The following FGF1 variants were observed in gnomAD, a reference collection of about 807,000 sequenced individuals.
FGF1 encodes the protein beta-endothelial cell growth factor.
Under a neutral mutation model 13.4 loss-of-function variants are expected in FGF1, and 9 were observed. The ratio of observed to expected loss-of-function variants is 0.67; its 90% CI spans 0.40 to 1.17. FGF1 has a LOEUF of 1.17. Among genes scored for constraint, FGF1 ranks in the 50% most tolerant of loss-of-function variants. The pLI, the probability that FGF1 is intolerant of heterozygous loss-of-function variation, is 0.01. For synonymous variants in FGF1, 93 were observed against 79.0 expected (o/e 1.18, Z -0.94); for missense variants, 156 against 192.7 (o/e 0.81, Z 1.13).
chr5:142,612,275 C>T, intron 2 of FGF1, among the ~76,000 whole-genome samples: 1 of 152,166 alleles, frequency 6.6e-6, no homozygotes, highest in Non-Finnish European at 1.5e-5. Context: ...GATGGAATGG[C>T]AACAGTTAAG....
intron 1 of FGF1, among the ~76,000 whole-genome samples, chr5:142,657,676 T>TGCGGCC (rs1768419348): frequency 1.3e-5 from 2 of 152,254 alleles, no homozygotes; most frequent in Non-Finnish European, 2.9e-5. Flanking sequence ...TGGCTGCGGC[T>TGCGGCC]GCGGCCGAGT....
intron 1 of FGF1, among the ~76,000 whole-genome samples, chr5:142,627,505 G>A (rs1488017513): frequency 6.6e-6 from 1 of 152,214 alleles, no homozygotes; most frequent in Admixed American, 6.5e-5. Context: ...AGAACAGTTA[G>A]CAATCCCAGC....
intron 1 of FGF1, among the ~76,000 whole-genome samples, chr5:142,664,906 A>T (rs1770006637): frequency 6.6e-6 from 1 of 152,228 alleles, no homozygotes; most frequent in Non-Finnish European, 1.5e-5. Context: ...ACCTAAACTC[A>T]TAGGGTTATT....
At chr5:142,655,061 TA>T (rs1439719447) in intron 1 of FGF1, among the ~76,000 whole-genome samples, 1 of 152,246 alleles carries the variant, frequency 6.6e-6, no homozygotes, top group African/African-American at 2.4e-5. Flanking sequence ...TCCTCCTTCC[TA>T]TCATAACAGA....
At chr5:142,629,343 T>C (rs1762958734) in intron 1 of FGF1, among the ~76,000 whole-genome samples, 2 of 152,170 alleles carry the variant, frequency 1.3e-5, no homozygotes, top group Admixed American at 1.3e-4. Context: ...TATATATTTT[T>C]AGTAGAGACA....
chr5:142,600,723 G>A lies in FGF1; in HGVS notation c.252C>T (p.Thr84=), dbSNP rs984308588. ...TETGQYLAMD[T]DGLLYGSQTP... is the part of the protein sequence containing the mutation. ...TTACTGAGCCGTATAAAAGCCCGTC[G>A]GTGTCCATGGCCAAGTACTGGCCAG... Residue 84 remains threonine (T), a synonymous_variant, in exon 3 of 4, where the codon ACC becomes ACT. Transcript: ENST00000337706. 3.7e-6 allele frequency: 6 copies of A among 1,612,894 alleles called. No individual in the cohort carries two copies. The highest frequency in any genetic ancestry group is 5.1e-6 in the Non-Finnish European group (6 of 1,178,966).
intron 1 of FGF1, among the ~76,000 whole-genome samples, chr5:142,670,482 G>A (rs948666136): frequency 4.6e-5 from 7 of 152,170 alleles, no homozygotes; most frequent in African/African-American, 1.2e-4. Flanking sequence ...AAGGACCCAC[G>A]GTGTGGTGCT....
intron 1 of FGF1, among the ~76,000 whole-genome samples, chr5:142,623,770 G>A (rs530195953): frequency 1.3e-5 from 2 of 150,354 alleles, no homozygotes; most frequent in East Asian, 1.9e-4. Context: ...TTGAGATAGG[G>A]TCTTGCTCTG....
intron 1 of FGF1, among the ~76,000 whole-genome samples, chr5:142,656,043 A>G (rs1768086683): frequency 6.6e-6 from 1 of 152,190 alleles, no homozygotes; most frequent in Non-Finnish European, 1.5e-5. Flanking sequence ...TAAACTGATG[A>G]CTTCACATAT....
intron 3 of FGF1, among the ~76,000 whole-genome samples, chr5:142,598,460 C>T (rs1407812074): frequency 6.6e-6 from 1 of 151,966 alleles, no homozygotes; most frequent in African/African-American, 2.4e-5. Flanking sequence ...TGGCATGTTT[C>T]CCCTCCCACC....
chr5:142,687,324 G>T (rs976543934), upstream of FGF1, among the ~76,000 whole-genome samples: 7 of 152,194 alleles, frequency 4.6e-5, no homozygotes, highest in African/African-American at 1.4e-4. Context: ...GGGGGTGTGG[G>T]GAAGCCATCC....
At chr5:142,662,184 T>C (rs529359825) in intron 1 of FGF1, among the ~76,000 whole-genome samples, 4 of 152,256 alleles carry the variant, frequency 2.6e-5, no homozygotes, top group African/African-American at 9.6e-5. Flanking sequence ...TGAGATTAGA[T>C]AGTGGCAGTA....
chr5:142,595,968 A>C (rs1755159506), intron 3 of FGF1, among the ~76,000 whole-genome samples: 1 of 152,190 alleles, frequency 6.6e-6, no homozygotes, highest in South Asian at 2.1e-4. Flanking sequence ...TTTTAACTTG[A>C]AGGCTAGACT....
intron 1 of FGF1, among the ~76,000 whole-genome samples, chr5:142,646,947 G>T (rs900753820): frequency 6.6e-6 from 1 of 152,174 alleles, no homozygotes; most frequent in African/African-American, 2.4e-5. Context: ...GTTGAAGGAA[G>T]CCTCATGGAC....
chr5:142,696,172 C>A (rs527383137), intron 2 of FGF1, among the ~76,000 whole-genome samples: 1 of 152,280 alleles, frequency 6.6e-6, no homozygotes, highest in African/African-American at 2.4e-5. Flanking sequence ...CTTTTAGTCA[C>A]CTTTTCCACT....
In FGF1 at chr5:142,625,016, C is replaced by A. The variant is rs191850150; in HGVS notation, c.-34-10855G>T. Among the ~76,000 whole-genome samples, 4 of 152,320 alleles carry A rather than the reference C, an allele frequency of 2.6e-5. No homozygotes were observed. The East Asian group carries it at 5.8e-4, about 22-fold the overall frequency. ...GTTGTTCCATAATATACAACATATG[C>A]ACCATACTACCTCGCTAAAATTACC... On this transcript the variant is annotated intron_variant, in intron 1 of 3. Coordinates refer to ENST00000337706, the MANE Select transcript of FGF1 (RefSeq NM_000800.5).
chr5:142,608,542 C>CTATCTA (rs1286877730), intron 2 of FGF1, among the ~76,000 whole-genome samples: 2 of 76,036 alleles, frequency 2.6e-5, no homozygotes, highest in Admixed American at 1.6e-4. Flanking sequence ...ATATACACAT[C>CTATCTA]TATATATATA....
chr5:142,645,178 T>TA (rs1213732822), intron 1 of FGF1, among the ~76,000 whole-genome samples: 1 of 152,052 alleles, frequency 6.6e-6, no homozygotes, highest in Non-Finnish European at 1.5e-5. Flanking sequence ...GGGCAGGCAA[T>TA]AAAAAAACAT....
chr5:142,657,010 C>G (rs1338133676), intron 1 of FGF1, among the ~76,000 whole-genome samples: 1 of 152,056 alleles, frequency 6.6e-6, no homozygotes, highest in Non-Finnish European at 1.5e-5. Context: ...CTCCACCTCC[C>G]AGGTTCAAGC....
Sources: allele counts gnomAD v4.1 joint callset (sites outside exome capture counted in the v4.1 genomes callset), GRCh38; gene constraint gnomAD v4.1.1; transcripts MANE v1.5; gene names NCBI Gene and HGNC (gene_info 2026-07-23, HGNC 2026-07-21).